LSM14A: variants seen among roughly 807,000 people sequenced by gnomAD.
LSM14A encodes protein LSM14 homolog A.
A neutral mutation model predicts 52.4 loss-of-function variants in LSM14A; 14 were observed. The observed-to-expected ratio is 0.27, with a 90% CI of 0.18 to 0.42. The LOEUF (loss-of-function observed/expected upper bound fraction) is 0.42. Ranked by LOEUF, LSM14A falls within the 10% of genes least tolerant of loss-of-function variation. LSM14A has a pLI of 1.00. For missense variants in LSM14A, 417 were observed against 581.8 expected (o/e 0.72, Z 2.91); for synonymous variants, 185 against 200.3 (o/e 0.92, Z 0.64).
chr19:34,201,254 A>G (rs2071263494), intron 3 of LSM14A, among the ~76,000 whole-genome samples: 1 of 152,212 alleles, frequency 6.6e-6, no homozygotes, highest in African/African-American at 2.4e-5. Context: ...GCTAATTAGA[A>G]AACTAGTGTT....
chr19:34,216,911 T>C (rs2072643675), intron 6 of LSM14A, among the ~76,000 whole-genome samples: 1 of 152,228 alleles, frequency 6.6e-6, no homozygotes, highest in Non-Finnish European at 1.5e-5. Context: ...TTGTTTTCTA[T>C]GCCTTTGGGA....
chr19:34,183,381 T>A (rs532492843), intron 1 of LSM14A, among the ~76,000 whole-genome samples: 1 of 151,976 alleles, frequency 6.6e-6, no homozygotes, highest in Non-Finnish European at 1.5e-5. Context: ...TGAAACCCCG[T>A]CTCTACTAAA....
intron 2 of LSM14A, 48 bp downstream of exon 2, chr19:34,194,689 G>C (rs1315869542): frequency 1.3e-6 from 2 of 1,574,998 alleles, no homozygotes; most frequent in African/African-American, 2.7e-5. Context: ...CTCCGCACAG[G>C]GTTAGCCTTG....
chr19:34,204,275 A>G (rs2071521567), intron 3 of LSM14A, among the ~76,000 whole-genome samples: 1 of 152,236 alleles, frequency 6.6e-6, no homozygotes, highest in Non-Finnish European at 1.5e-5. Context: ...GAATAAAATC[A>G]TACATGGTAT....
Position 34,172,628 on chromosome 19 carries a change from G to A in LSM14A, c.-15G>A, listed in dbSNP as rs1205133181. On this transcript the variant is annotated 5_prime_UTR_variant, in exon 1 of 10. Coordinates refer to ENST00000544216, the MANE Select transcript of LSM14A (RefSeq NM_015578.4). ...TGCCTCTCTGCGAGCAGCTGGGAGCGGCGGCGGCGGCGCCATGAGCGGGGG... is the reference window on the plus strand; with the variant it reads ...TGCCTCTCTGCGAGCAGCTGGGAGCAGCGGCGGCGGCGCCATGAGCGGGGG... The A allele has an allele frequency of 6.6e-7, 1 of 1,512,546 alleles. No individual in the cohort carries two copies. The allele number at this position is 1,512,546 out of a possible 1,614,324, so 93.7% of individuals were successfully genotyped here.
intron 9 of LSM14A, chr19:34,226,322 C>T (rs2073335585): frequency 8.4e-7 from 1 of 1,196,226 alleles, no homozygotes; most frequent in Non-Finnish European, 1.2e-6. Flanking sequence ...TGCTCTCTCT[C>T]CTCTCCCCCT....
chr19:34,177,697 C>T (rs1248961240), intron 1 of LSM14A, among the ~76,000 whole-genome samples: 1 of 151,574 alleles, frequency 6.6e-6, no homozygotes, highest in Non-Finnish European at 1.5e-5. Flanking sequence ...AAACCAGCCT[C>T]GGCAATACAG....
intron 9 of LSM14A, among the ~76,000 whole-genome samples, chr19:34,225,126 C>G (rs1485709131): frequency 6.6e-6 from 1 of 152,202 alleles, no homozygotes; most frequent in Non-Finnish European, 1.5e-5. Flanking sequence ...ACTTTTCTTT[C>G]CATGACAACA....
At chr19:34,172,897 C>A in intron 1 of LSM14A, 134 bp downstream of exon 1, 2 of 1,088,514 alleles carry the variant, frequency 1.8e-6, no homozygotes, top group Non-Finnish European at 2.5e-6. Context: ...CTCCCTTCTC[C>A]GGGCCCCGGC....
In LSM14A at chr19:34,219,794, C is replaced by T. The variant is rs201997010; in HGVS notation, c.1053C>T (p.Ala351=). 13 of 1,612,956 alleles carry T rather than the reference C, an allele frequency of 8.1e-6. No individual in the cohort carries two copies. Among genetic ancestry groups the T allele is most frequent in the East Asian group, 2.2e-5 (1 of 44,862 alleles). Residue 351 remains alanine, a synonymous_variant, in exon 8 of 10, where the codon GCC becomes GCT. Transcript: ENST00000544216. Reference sequence around the variant, plus strand: ...ATACCCAAAACAGTGAAGGAAATGCCGATGAAGAAGATCCACTTGGACCTA... The same window carrying T: ...ATACCCAAAACAGTGAAGGAAATGCTGATGAAGAAGATCCACTTGGACCTA... ...GVDTQNSEGN[A]DEEDPLGPNC... is the part of the protein sequence containing the mutation.
intron 1 of LSM14A, among the ~76,000 whole-genome samples, chr19:34,183,457 A>C (rs1391559085): frequency 6.6e-6 from 1 of 152,162 alleles, no homozygotes; most frequent in Non-Finnish European, 1.5e-5. Flanking sequence ...AAGCTGGGGC[A>C]GGAGAATCGC....
chr19:34,180,380 T>C (rs1180735354), intron 1 of LSM14A, among the ~76,000 whole-genome samples: 1 of 152,230 alleles, frequency 6.6e-6, no homozygotes, highest in Non-Finnish European at 1.5e-5. Flanking sequence ...TTTTTGGTCT[T>C]GGACAAGTTA....
intron 6 of LSM14A, among the ~76,000 whole-genome samples, chr19:34,217,617 GTGTTTTTTTTTTT>G (rs2072737224): frequency 5.5e-5 from 2 of 36,696 alleles, no homozygotes; most frequent in Non-Finnish European, 9.3e-5. Context: ...CCCCCCCCCC[GTGTTTTTTTTTTT>G]TTTTTTTTTT....
intron 6 of LSM14A, among the ~76,000 whole-genome samples, chr19:34,216,552 C>G (rs1286873867): frequency 6.6e-6 from 1 of 151,798 alleles, no homozygotes; most frequent in Non-Finnish European, 1.5e-5. Context: ...CTCCGCCTCC[C>G]GGGTTCAAGT....
At chr19:34,199,670 C>T (rs954899580) in intron 3 of LSM14A, among the ~76,000 whole-genome samples, 1 of 152,038 alleles carries the variant, frequency 6.6e-6, no homozygotes, top group Non-Finnish European at 1.5e-5. Flanking sequence ...AATGGAAACC[C>T]CGTAGCAAGG....
chr19:34,199,699 T>C (rs1247062652), intron 3 of LSM14A, among the ~76,000 whole-genome samples: 2 of 152,124 alleles, frequency 1.3e-5, no homozygotes, highest in Non-Finnish European at 2.9e-5. Flanking sequence ...TAGACTCAGC[T>C]CTTAGTTTCT....
chr19:34,205,083 G>A (rs2145741093), intron 3 of LSM14A, among the ~76,000 whole-genome samples: 1 of 152,276 alleles, frequency 6.6e-6, no homozygotes, highest in East Asian at 1.9e-4. Flanking sequence ...AGTGAGCCAA[G>A]ATGACGTCAC....
Position 34,228,750 on chromosome 19 carries a change from A to T in LSM14A, c.*1362A>T, listed in dbSNP as rs1248898288. ...TATCTAATATTTTGATTGTTTTCTTAACTTTCTCCTTAAAACATTCAGTAG... is the reference window on the plus strand; with the variant it reads ...TATCTAATATTTTGATTGTTTTCTTTACTTTCTCCTTAAAACATTCAGTAG... On this transcript the variant is annotated 3_prime_UTR_variant, in exon 10 of 10. Transcript: ENST00000544216. 1.3e-5 allele frequency: 2 copies of T among 152,660 alleles called. No homozygotes were observed. Among genetic ancestry groups the T allele is most frequent in the Non-Finnish European group, 2.9e-5 (2 of 68,038 alleles). The allele number at this position is 152,660 out of a possible 1,614,324, so 9.5% of individuals were successfully genotyped here. A position where few individuals can be genotyped will look rare whatever the true frequency, so the allele number is the denominator to read the frequency against.
chr19:34,189,381 G>A (rs767837438), intron 1 of LSM14A, among the ~76,000 whole-genome samples: 8 of 152,156 alleles, frequency 5.3e-5, no homozygotes, highest in Non-Finnish European at 1.0e-4. Context: ...TAAGCAAATA[G>A]ACTGAGCTCC....
Sources: gnomAD v4.1 joint callset for allele counts (sites outside exome capture counted in the v4.1 genomes callset) on GRCh38, gnomAD v4.1.1 for gene constraint, MANE v1.5 for transcripts, NCBI Gene and HGNC (gene_info 2026-07-23, HGNC 2026-07-21) for gene names.